CTIF: variants seen among roughly 807,000 people sequenced by gnomAD.
CTIF encodes cap binding complex dependent translation initiation factor, also known as CBP80/20-dependent translation initiation factor.
CTIF carries 21 observed loss-of-function variants against 66.0 expected under a neutral mutation model. The observed-to-expected ratio is 0.32, with a 90% CI of 0.23 to 0.46. The LOEUF (loss-of-function observed/expected upper bound fraction) is 0.46. Among genes scored for constraint, CTIF ranks in the 20% least tolerant of loss-of-function variants. CTIF has a pLI of 1.00. For missense variants in CTIF, 739 were observed against 812.7 expected (o/e 0.91, Z 1.10); for synonymous variants, 345 against 326.4 (o/e 1.06, Z -0.62).
chr18:48,589,561 G>A (rs745421927), intron 1 of CTIF, among the ~76,000 whole-genome samples: 4 of 152,216 alleles, frequency 2.6e-5, no homozygotes, highest in African/African-American at 4.8e-5. Context: ...TGCCTTTTAG[G>A]AGGGAGGACA....
intron 7 of CTIF, among the ~76,000 whole-genome samples, chr18:48,751,890 C>G (rs1260323496): frequency 6.6e-6 from 1 of 152,208 alleles, no homozygotes; most frequent in African/African-American, 2.4e-5. Context: ...AGAGTCTCAG[C>G]ATGTGTTTAA....
chr18:48,717,662 A>T (rs944932414), intron 7 of CTIF, among the ~76,000 whole-genome samples: 5 of 151,802 alleles, frequency 3.3e-5, no homozygotes, highest in Admixed American at 2.0e-4. Context: ...TATCTCAATT[A>T]AAAAAAATTT....
At chr18:48,572,896 G>C (rs1288086671) in intron 1 of CTIF, among the ~76,000 whole-genome samples, 2 of 152,122 alleles carry the variant, frequency 1.3e-5, no homozygotes, top group Non-Finnish European at 2.9e-5. Flanking sequence ...AGGAGGCCGA[G>C]GTGGGAGGAT....
intron 9 of CTIF, among the ~76,000 whole-genome samples, chr18:48,794,996 C>T (rs973938577): frequency 6.6e-6 from 1 of 152,028 alleles, no homozygotes; most frequent in African/African-American, 2.4e-5. Flanking sequence ...CATTAGCTGG[C>T]GAGAGTCCTG....
chr18:48,811,772 T>G, intron 9 of CTIF, among the ~76,000 whole-genome samples: 1 of 152,218 alleles, frequency 6.6e-6, no homozygotes, highest in East Asian at 1.9e-4. Flanking sequence ...AGTATTCCAC[T>G]GTATGTATAT....
chr18:48,730,551 G>A (rs1259610423), intron 7 of CTIF, among the ~76,000 whole-genome samples: 1 of 41,406 alleles, frequency 2.4e-5, no homozygotes, highest in African/African-American at 8.7e-5. Context: ...AGGGGCTTCT[G>A]CTGTGTGAGG....
At chr18:48,833,518 C>T (rs1052811740) in intron 10 of CTIF, among the ~76,000 whole-genome samples, 3 of 152,164 alleles carry the variant, frequency 2.0e-5, no homozygotes, top group Non-Finnish European at 4.4e-5. Flanking sequence ...ACTCCTTGGA[C>T]GTTCCTAAAG....
intron 10 of CTIF, among the ~76,000 whole-genome samples, chr18:48,832,290 GC>G (rs1192958737): frequency 6.7e-6 from 1 of 149,514 alleles, no homozygotes; most frequent in Non-Finnish European, 1.5e-5. Context: ...TCCCACCTCA[GC>G]CCCCCAAGTA....
chr18:48,730,210 T>A (rs576525205), intron 7 of CTIF, among the ~76,000 whole-genome samples: 1 of 112,846 alleles, frequency 8.9e-6, no homozygotes, highest in African/African-American at 3.6e-5. Flanking sequence ...GGGGCTCCTG[T>A]GGTGTGAGGA....
At position 48,619,691 on chromosome 18, in the gene CTIF, T is replaced by C; in HGVS notation, c.126T>C (p.Ala42=). 1.2e-6 allele frequency: 2 copies of C among 1,608,336 alleles called. No individual in the cohort carries two copies. The highest frequency in any genetic ancestry group is 1.1e-5 in the South Asian group (1 of 89,496). ...VLEYQVQGLL[A]DKTEGDGESE... ...AGTACCAGGTGCAGGGGCTGCTGGC[T>C]GACAAGACGGAGGGTGATGGCGAGA... is the stretch of plus-strand genomic sequence containing the variant. The change falls in exon 2 of 12, where the codon GCT becomes GCC. Residue 42 remains alanine (A), a synonymous_variant. Coordinates refer to ENST00000256413, the MANE Select transcript of CTIF (RefSeq NM_014772.3).
At chr18:48,635,327 C>CTTTTTTTTTTTTTTTTT (rs561455888) in intron 2 of CTIF, among the ~76,000 whole-genome samples, 21 of 113,378 alleles carry the variant, frequency 1.9e-4, no homozygotes, top group African/African-American at 3.0e-4. Context: ...CTTTTTCTTT[C>CTTTTTTTTTTTTTTTTT]TTTTTTTTTT....
At chr18:48,707,893 T>G (rs575176971) in intron 6 of CTIF, among the ~76,000 whole-genome samples, 1 of 152,190 alleles carries the variant, frequency 6.6e-6, no homozygotes, top group South Asian at 2.1e-4. Flanking sequence ...TCCCAGCCCC[T>G]GGCAACCACG....
In CTIF at chr18:48,695,344, G is replaced by A. The variant is rs9949683; in HGVS notation, c.508-16275G>A. Among the ~76,000 whole-genome samples, 300 of 152,306 alleles carry A rather than the reference G, an allele frequency of 2.0e-3. 1 individual carries two copies. Among genetic ancestry groups the A allele is most frequent in the African/African-American group, 6.5e-3 (272 of 41,562 alleles). On this transcript the variant is annotated intron_variant, in intron 6 of 11. Coordinates refer to ENST00000256413, the MANE Select transcript of CTIF (RefSeq NM_014772.3). ...TGAGTACCTGCTATGTGACATTGCT[G>A]TGCAGAGTCATTATAATGGGATCTG...
chr18:48,790,033 G>A (rs1322072560), intron 9 of CTIF, among the ~76,000 whole-genome samples: 1 of 152,186 alleles, frequency 6.6e-6, no homozygotes, highest in Non-Finnish European at 1.5e-5. Flanking sequence ...CATTGCCATG[G>A]GGCCATTGTG....
chr18:48,834,463 C>T (rs1599132752), intron 10 of CTIF, among the ~76,000 whole-genome samples: 1 of 152,208 alleles, frequency 6.6e-6, no homozygotes, highest in Non-Finnish European at 1.5e-5. Flanking sequence ...GACTATAGTT[C>T]GCCCCTCCCT....
rs140184619 is a variant in CTIF at position 48,730,517 on chromosome 18, G to T, written c.584+18822G>T. Among the ~76,000 whole-genome samples the T allele has an allele frequency of 6.2e-4, 46 of 74,050 alleles. 10 individuals are homozygous for T. The South Asian group carries it at 7.2e-3, about 12-fold the overall frequency. The allele number at this position is 74,050 out of a possible 152,430, so 48.6% of individuals were successfully genotyped here. A position where few individuals can be genotyped will look rare whatever the true frequency, so the allele number is the denominator to read the frequency against. On this transcript the variant is annotated intron_variant, in intron 7 of 11. Coordinates refer to ENST00000256413, the MANE Select transcript of CTIF (RefSeq NM_014772.3). The stretch of plus-strand genomic sequence containing the variant: ...CTTCTGCGGTGTGAGGGGCTTCTGC[G>T]GTGTGAGGGGCCCCTGTGGTGTGAG...
chr18:48,591,265 CT>C (rs2089882013), intron 1 of CTIF, among the ~76,000 whole-genome samples: 1 of 152,248 alleles, frequency 6.6e-6, no homozygotes, highest in African/African-American at 2.4e-5. Flanking sequence ...ATCACCCCAC[CT>C]TGTGGGTCCC....
At chr18:48,833,494 C>T (rs1287591272) in intron 10 of CTIF, among the ~76,000 whole-genome samples, 9 of 152,270 alleles carry the variant, frequency 5.9e-5, no homozygotes, top group African/African-American at 2.2e-4. Context: ...CCGCCGCCCT[C>T]CACCTCTCCT....
intron 9 of CTIF, among the ~76,000 whole-genome samples, chr18:48,810,975 T>A (rs1043425194): frequency 2.0e-5 from 3 of 152,130 alleles, no homozygotes; most frequent in Non-Finnish European, 4.4e-5. Flanking sequence ...TAGTGTTTAC[T>A]TTTAGCATTT....
Sources: allele counts gnomAD v4.1 joint callset (sites outside exome capture counted in the v4.1 genomes callset), GRCh38; gene constraint gnomAD v4.1.1; transcripts MANE v1.5; gene names NCBI Gene and HGNC (gene_info 2026-07-23, HGNC 2026-07-21).